The following BAZ2B variants were observed in gnomAD, a reference collection of about 807,000 sequenced individuals.
BAZ2B encodes bromodomain adjacent to zinc finger domain 2B.
A neutral mutation model predicts 246.0 loss-of-function variants in BAZ2B; 91 were observed. The ratio of observed to expected loss-of-function variants is 0.37; its 90% CI spans 0.31 to 0.44. The LOEUF is 0.44. Ranked by LOEUF, BAZ2B falls within the 20% of genes least tolerant of loss-of-function variation. BAZ2B has a pLI of 1.00. For synonymous variants in BAZ2B, 855 were observed against 860.0 expected (o/e 0.99, Z 0.10); for missense variants, 2,332 against 2,533.7 (o/e 0.92, Z 1.71).
At chr2:159,710,500 G>A in the BAZ2B span, among the ~76,000 whole-genome samples, 2 of 152,108 alleles carry the variant, frequency 1.3e-5, no homozygotes, top group Non-Finnish European at 2.9e-5. Flanking sequence ...GAGCCACGGC[G>A]CCCGGCTGCA....
chr2:159,537,632 G>A (rs1460666886), intron 2 of BAZ2B, among the ~76,000 whole-genome samples: 3 of 152,086 alleles, frequency 2.0e-5, no homozygotes, highest in Non-Finnish European at 4.4e-5. Flanking sequence ...TGAGCCTTTC[G>A]GAGTTTCAAA....
intron 20 of BAZ2B, among the ~76,000 whole-genome samples, chr2:159,392,567 C>T (rs1045016107): frequency 1.3e-5 from 2 of 152,108 alleles, no homozygotes; most frequent in African/African-American, 2.4e-5. Context: ...CCCCTGGACA[C>T]CTGGAGAAAG....
intron 17 of BAZ2B, 37 bp downstream of exon 17, chr2:159,400,562 T>G: frequency 1.6e-6 from 2 of 1,277,796 alleles, no homozygotes; most frequent in Non-Finnish European, 2.2e-6. Flanking sequence ...AATATATGGC[T>G]AAATTACTTT....
chr2:159,596,456 TG>T lies in BAZ2B; in HGVS notation c.-46+19785del, dbSNP rs1311852271. 1.8e-4 allele frequency among the ~76,000 whole-genome samples: 27 copies of T among 152,238 alleles called. 1 individual carries two copies. The highest frequency in any genetic ancestry group is 2.9e-5 in the Non-Finnish European group (2 of 68,044). On this transcript the variant is annotated intron_variant, in intron 1 of 36. Transcript: ENST00000392783. The stretch of plus-strand genomic sequence containing the variant: ...CCTAACCTAGAAAGTAAATTTGTCT[TG>T]ATTTATAGCAGCTAACATAGAAAAG...
chr2:159,687,685 T>A, the BAZ2B span, among the ~76,000 whole-genome samples: 1 of 152,236 alleles, frequency 6.6e-6, no homozygotes, highest in East Asian at 1.9e-4. Flanking sequence ...GTCCCTGAGT[T>A]CTGTAAGCTA....
intron 1 of BAZ2B, among the ~76,000 whole-genome samples, chr2:159,571,691 A>G (rs1684047848): frequency 6.6e-6 from 1 of 152,226 alleles, no homozygotes; most frequent in South Asian, 2.1e-4. Flanking sequence ...TATAAATAAT[A>G]GCAGTTTATT....
intron 3 of BAZ2B, among the ~76,000 whole-genome samples, chr2:159,466,866 C>T (rs932972873): frequency 6.6e-6 from 1 of 152,096 alleles, no homozygotes; most frequent in African/African-American, 2.4e-5. Context: ...TGATGCCCAC[C>T]TACACTGGGG....
In BAZ2B at chr2:159,489,745, T is replaced by A. The variant is rs956035627; in HGVS notation, c.-2-11024A>T. On this transcript the variant is annotated intron_variant, in intron 2 of 36. Transcript: ENST00000392783. ...TAGAAGAACCCATCCCTACTAAATT[T>A]AAAAAAAAAATTAGCCAGCCAGTAT... is the stretch of plus-strand genomic sequence containing the variant. 8.0e-5 allele frequency among the ~76,000 whole-genome samples: 12 copies of A among 150,598 alleles called. No individual in the cohort carries two copies. The South Asian group carries it at 1.0e-3, about 13-fold the overall frequency.
chr2:159,456,760 T>A (rs2075823755), intron 3 of BAZ2B, among the ~76,000 whole-genome samples: 1 of 152,152 alleles, frequency 6.6e-6, no homozygotes, highest in African/African-American at 2.4e-5. Flanking sequence ...GTCTTACAGG[T>A]CCATTCCTTG....
the BAZ2B span, among the ~76,000 whole-genome samples, chr2:159,645,840 A>G: frequency 1.5e-3 from 224 of 152,114 alleles, no homozygotes; most frequent in African/African-American, 4.7e-3. Flanking sequence ...GCAAAAGGGG[A>G]GGGAGTGTAC....
intron 2 of BAZ2B, among the ~76,000 whole-genome samples, chr2:159,486,610 T>G (rs1397906292): frequency 6.6e-6 from 1 of 151,432 alleles, no homozygotes; most frequent in Non-Finnish European, 1.5e-5. Context: ...TTTTTTTCTT[T>G]TGTGCTGGTC....
chr2:159,574,301 C>CAAA (rs60431994), intron 1 of BAZ2B, among the ~76,000 whole-genome samples: 1 of 151,878 alleles, frequency 6.6e-6, no homozygotes, highest in Non-Finnish European at 1.5e-5. Context: ...ATCAAAACCA[C>CAAA]GAGATGGCAC....
At chr2:159,352,264 C>T (rs1309489407) in intron 27 of BAZ2B, among the ~76,000 whole-genome samples, 2 of 152,044 alleles carry the variant, frequency 1.3e-5, no homozygotes, top group Non-Finnish European at 2.9e-5. Context: ...GGCTCCTTAT[C>T]CTTCATGTCT....
At chr2:159,663,855 CTT>C in the BAZ2B span, among the ~76,000 whole-genome samples, 1,027 of 92,064 alleles carry the variant, frequency 0.011, 5 homozygotes, top group African/African-American at 0.024. Context: ...AAACCATTTT[CTT>C]TTTTTTTTTT....
chr2:159,428,127 T>C (rs148574460), intron 12 of BAZ2B, 85 bp from the exon 13 acceptor site: 1,002 of 1,304,872 alleles, frequency 7.7e-4, no homozygotes, highest in Non-Finnish European at 1.0e-3. Context: ...GACACTAATG[T>C]TTTGCATATT....
chr2:159,398,707 C>A, intron 18 of BAZ2B, 122 bp downstream of exon 18: 1 of 834,348 alleles, frequency 1.2e-6, no homozygotes, highest in Non-Finnish European at 1.8e-6. Flanking sequence ...CATGTAGTAT[C>A]TGCTAAACAT....
chr2:159,500,869 G>T (rs1272164589), intron 2 of BAZ2B, among the ~76,000 whole-genome samples: 1 of 151,272 alleles, frequency 6.6e-6, no homozygotes, highest in East Asian at 2.0e-4. Flanking sequence ...CAGGAGAATT[G>T]CTTGAACCCA....
intron 1 of BAZ2B, among the ~76,000 whole-genome samples, chr2:159,610,569 A>G (rs1391130159): frequency 1.3e-5 from 2 of 152,082 alleles, no homozygotes; most frequent in Admixed American, 1.3e-4. Context: ...ATTATCTTCA[A>G]ACCAAATGCT....
chr2:159,375,927 C>A (rs2061367835), intron 25 of BAZ2B, among the ~76,000 whole-genome samples: 1 of 152,150 alleles, frequency 6.6e-6, no homozygotes, highest in South Asian at 2.1e-4. Flanking sequence ...TACTTGAACA[C>A]ATTGAGTTTT....
Sources: gnomAD v4.1 joint callset for allele counts (sites outside exome capture counted in the v4.1 genomes callset) on GRCh38, gnomAD v4.1.1 for gene constraint, MANE v1.5 for transcripts, NCBI Gene and HGNC (gene_info 2026-07-23, HGNC 2026-07-21) for gene names.